LINGO2: variants seen among roughly 807,000 people sequenced by gnomAD.
LINGO2 encodes leucine-rich repeat and immunoglobulin-like domain-containing nogo receptor-interacting protein 2.
A neutral mutation model predicts 30.6 loss-of-function variants in LINGO2; 14 were observed. The ratio of observed to expected loss-of-function variants is 0.46; its 90% CI spans 0.30 to 0.72. The LOEUF (loss-of-function observed/expected upper bound fraction) is 0.72. LINGO2 is among the 30% of genes least tolerant of loss of function. The pLI, the probability that LINGO2 is intolerant of heterozygous loss-of-function variation, is 0.07. For synonymous variants in LINGO2, 317 were observed against 288.5 expected, an observed-to-expected ratio of 1.10 and a Z score of -1.00; for missense variants, 729 against 751.7, an observed-to-expected ratio of 0.97 and a Z score of 0.35.
intron 2 of LINGO2, among the ~76,000 whole-genome samples, chr9:28,402,846 C>A (rs992181783): frequency 3.9e-5 from 6 of 152,188 alleles, no homozygotes; most frequent in African/African-American, 1.4e-4. Flanking sequence ...GGATAGTTCC[C>A]AAACACCTTA....
At chr9:28,989,077 G>A in the LINGO2 span, among the ~76,000 whole-genome samples, 11 of 152,126 alleles carry the variant, frequency 7.2e-5, no homozygotes, top group Non-Finnish European at 1.3e-4. Context: ...TACAAAACAC[G>A]TCAATAATGC....
At chr9:28,785,238 T>C in the LINGO2 span, among the ~76,000 whole-genome samples, 1 of 152,162 alleles carries the variant, frequency 6.6e-6, no homozygotes, top group African/African-American at 2.4e-5. Flanking sequence ...TGAAGAGTCT[T>C]GAGAAGCAAT....
the LINGO2 span, among the ~76,000 whole-genome samples, chr9:28,702,342 G>T: frequency 1.3e-5 from 2 of 151,690 alleles, no homozygotes; most frequent in East Asian, 3.9e-4. Flanking sequence ...AATGGAGTTG[G>T]ATTTCTGTTA....
the LINGO2 span, among the ~76,000 whole-genome samples, chr9:28,992,869 G>A: frequency 6.6e-6 from 1 of 151,998 alleles, no homozygotes; most frequent in African/African-American, 2.4e-5. Context: ...AAAGCAGTGT[G>A]TAGAGGGAAA....
At chr9:28,944,373 T>TGTCC in the LINGO2 span, among the ~76,000 whole-genome samples, 1 of 152,020 alleles carries the variant, frequency 6.6e-6, no homozygotes, top group East Asian at 1.9e-4. Flanking sequence ...TCTGTCTGTC[T>TGTCC]ATCTATCTAC....
chr9:28,783,406 T>C, the LINGO2 span, among the ~76,000 whole-genome samples: 2 of 152,130 alleles, frequency 1.3e-5, no homozygotes, highest in East Asian at 3.8e-4. Context: ...TTAAATTTTA[T>C]TATTTCTATT....
At chr9:28,942,064 C>T in the LINGO2 span, among the ~76,000 whole-genome samples, 1 of 152,010 alleles carries the variant, frequency 6.6e-6, no homozygotes, top group Non-Finnish European at 1.5e-5. Flanking sequence ...GTTTTTATCC[C>T]CCAGGACGGC....
chr9:28,763,977 T>C, the LINGO2 span, among the ~76,000 whole-genome samples: 1 of 151,128 alleles, frequency 6.6e-6, no homozygotes, highest in Non-Finnish European at 1.5e-5. Context: ...CAAGAAGAAA[T>C]AGAAAGTCTG....
chr9:28,209,584 T>C (rs1169965844), intron 4 of LINGO2, among the ~76,000 whole-genome samples: 1 of 151,956 alleles, frequency 6.6e-6, no homozygotes, highest in South Asian at 2.1e-4. Context: ...TTAGTAATAG[T>C]TTAATTTAAT....
chr9:28,562,491 A>C (rs1053444073), intron 1 of LINGO2, among the ~76,000 whole-genome samples: 9 of 151,434 alleles, frequency 5.9e-5, no homozygotes, highest in Non-Finnish European at 1.0e-4. Flanking sequence ...AAAACAAAAA[A>C]TTGGTCCCCA....
chr9:28,363,144 G>A (rs969162006), intron 3 of LINGO2, among the ~76,000 whole-genome samples: 1 of 152,124 alleles, frequency 6.6e-6, no homozygotes, highest in Admixed American at 6.5e-5. Flanking sequence ...GGAAACTCAA[G>A]TTTAGAGATT....
At chr9:28,545,469 A>T (rs554994982) in intron 1 of LINGO2, among the ~76,000 whole-genome samples, 2 of 152,138 alleles carry the variant, frequency 1.3e-5, no homozygotes, top group African/African-American at 4.8e-5. Context: ...ATCTGCAAAA[A>T]TAAGTCTGGA....
chr9:28,253,681 T>C (rs1047727098), intron 4 of LINGO2, among the ~76,000 whole-genome samples: 1 of 152,156 alleles, frequency 6.6e-6, no homozygotes, highest in Admixed American at 6.5e-5. Context: ...CAGGCTCACC[T>C]GGGGCAAATG....
Position 28,147,614 on chromosome 9 carries a change from C to G in LINGO2, c.-86-135209G>C, listed in dbSNP as rs752647981. 2.6e-5 allele frequency among the ~76,000 whole-genome samples: 4 copies of G among 152,116 alleles called. No homozygotes were observed. The highest frequency in any genetic ancestry group is 5.9e-5 in the Non-Finnish European group (4 of 68,004). On this transcript the variant is annotated intron_variant, in intron 4 of 5. Transcript: ENST00000379992. This position sits in a 1 kb window ranked among gnomAD's most constrained non-coding sequence, Gnocchi z 4.7. ...GGGACAGGGCCGGCCAAGACAGGGCCACTGGGTGCCAGCCAGCACCTGGGC... is the reference window on the plus strand; with the variant it reads ...GGGACAGGGCCGGCCAAGACAGGGCGACTGGGTGCCAGCCAGCACCTGGGC...
chr9:28,688,804 C>G, the LINGO2 span, among the ~76,000 whole-genome samples: 1 of 152,310 alleles, frequency 6.6e-6, no homozygotes, highest in East Asian at 1.9e-4. Flanking sequence ...AGCCATATTT[C>G]AGATTCCATT....
chr9:29,163,740 CTTTCA>C, the LINGO2 span, among the ~76,000 whole-genome samples: 2 of 152,132 alleles, frequency 1.3e-5, no homozygotes, highest in African/African-American at 4.8e-5. Flanking sequence ...AAATGCAACA[CTTTCA>C]TTTCTGAGTC....
intron 1 of LINGO2, among the ~76,000 whole-genome samples, chr9:28,548,837 G>A (rs551938476): frequency 4.8e-4 from 72 of 150,908 alleles, no homozygotes; most frequent in South Asian, 1.0e-3. Flanking sequence ...TTACCACTTC[G>A]TTTAACAACT....
chr9:28,364,824 T>C (rs1479637063), intron 3 of LINGO2, among the ~76,000 whole-genome samples: 4 of 152,230 alleles, frequency 2.6e-5, no homozygotes, highest in Admixed American at 1.3e-4. Context: ...TAATCACTAA[T>C]TTTTTAGATC....
At chr9:28,819,463 A>G in the LINGO2 span, among the ~76,000 whole-genome samples, 2 of 152,124 alleles carry the variant, frequency 1.3e-5, no homozygotes, top group Admixed American at 1.3e-4. Flanking sequence ...ATATTCTACC[A>G]CTATTCCACA....
Sources: allele counts gnomAD v4.1 joint callset (sites outside exome capture counted in the v4.1 genomes callset), GRCh38; gene constraint gnomAD v4.1.1; non-coding constraint Gnocchi (gnomAD v3.1); transcripts MANE v1.5; gene names NCBI Gene and HGNC (gene_info 2026-07-23, HGNC 2026-07-21).